The following GPHN variants were observed in gnomAD, a reference collection of about 807,000 sequenced individuals.
GPHN encodes gephyrin.
GPHN carries 17 observed loss-of-function variants against 95.5 expected under a neutral mutation model. The observed-to-expected ratio is 0.18, with a 90% CI of 0.12 to 0.27. The LOEUF (loss-of-function observed/expected upper bound fraction) is 0.27. GPHN is among the 10% of genes least tolerant of loss of function. The probability of loss-of-function intolerance (pLI) is 1.00; values close to 1 mark genes in which losing one functional copy is unlikely to be tolerated. For synonymous variants in GPHN, 320 were observed against 322.5 expected, an observed-to-expected ratio of 0.99 and a Z score of 0.08; for missense variants, 660 against 978.1, an observed-to-expected ratio of 0.67 and a Z score of 4.34.
chr14:67,098,564 T>A (rs538114061), intron 12 of GPHN, among the ~76,000 whole-genome samples: 77 of 152,038 alleles, frequency 5.1e-4, no homozygotes, highest in Admixed American at 1.4e-3. Context: ...AACCCCAGCA[T>A]TTTGGGAGGC....
At chr14:66,514,088 A>G (rs919049992) in intron 1 of GPHN, among the ~76,000 whole-genome samples, 2 of 152,018 alleles carry the variant, frequency 1.3e-5, no homozygotes, top group Non-Finnish European at 2.9e-5. Context: ...AGGGATACCT[A>G]TAAGGCTTAG....
At chr14:67,612,675 G>T in the GPHN span, among the ~76,000 whole-genome samples, 4 of 152,146 alleles carry the variant, frequency 2.6e-5, no homozygotes, top group African/African-American at 9.7e-5. Flanking sequence ...GGTAGCTCAC[G>T]CCTGTAATCC....
chr14:66,954,181 T>A (rs1655443753), intron 8 of GPHN, among the ~76,000 whole-genome samples: 1 of 152,182 alleles, frequency 6.6e-6, no homozygotes. Flanking sequence ...AACACACCAG[T>A]GGGATTTGAC....
intron 14 of GPHN, 150 bp from the exon 15 acceptor site, chr14:67,111,711 T>C (rs2078385373): frequency 3.1e-6 from 2 of 650,520 alleles, no homozygotes; most frequent in Non-Finnish European, 2.7e-6. Context: ...GTGTTAGAAA[T>C]TCAGTGTTTT....
intron 10 of GPHN, among the ~76,000 whole-genome samples, chr14:67,053,226 C>A (rs2075393280): frequency 1.6e-5 from 2 of 127,542 alleles, no homozygotes. Flanking sequence ...ACTAGCTAGA[C>A]TAATAAGGAA....
chr14:66,998,676 A>G (rs2071983085), intron 9 of GPHN, among the ~76,000 whole-genome samples: 1 of 151,962 alleles, frequency 6.6e-6, no homozygotes. Flanking sequence ...ACTATTGTAG[A>G]AATTAAGTCT....
chr14:67,270,629 TG>T, the GPHN span: 3 of 151,858 alleles, frequency 2.0e-5, no homozygotes, highest in African/African-American at 7.3e-5. Context: ...GCAATTGCTT[TG>T]GACTGGGAGG....
chr14:66,924,862 A>G (rs899971239), intron 8 of GPHN, among the ~76,000 whole-genome samples: 2 of 152,132 alleles, frequency 1.3e-5, no homozygotes, highest in Non-Finnish European at 2.9e-5. Flanking sequence ...GCTGAATGAT[A>G]GCTTGCAAAA....
chr14:67,729,965 C>T, the GPHN span: 6 of 376,012 alleles, frequency 1.6e-5, no homozygotes, highest in South Asian at 8.1e-5. Context: ...TCTGTTGTCC[C>T]GCTTTGTTCA....
chr14:67,348,938 GAAGA>G, the GPHN span: 5 of 1,137,956 alleles, frequency 4.4e-6, no homozygotes, highest in Non-Finnish European at 6.4e-6. Context: ...TAAGTAGAAG[GAAGA>G]AACTAGGACA....
the GPHN span, among the ~76,000 whole-genome samples, chr14:67,193,719 G>T: frequency 6.8e-6 from 1 of 147,224 alleles, no homozygotes; most frequent in Non-Finnish European, 1.5e-5. Context: ...AAAACAGGTG[G>T]ATCACTTGAG....
intron 5 of GPHN, among the ~76,000 whole-genome samples, chr14:66,911,836 A>G (rs528907609): frequency 2.8e-4 from 43 of 152,178 alleles, no homozygotes; most frequent in Non-Finnish European, 5.9e-4. Context: ...AAATTGGAAT[A>G]AAAAGGTAAC....
At chr14:66,593,721 C>T (rs1200871171) in intron 1 of GPHN, among the ~76,000 whole-genome samples, 2 of 152,104 alleles carry the variant, frequency 1.3e-5, no homozygotes, top group Non-Finnish European at 2.9e-5. Context: ...GAGTATTATG[C>T]TCAGCACTGA....
the GPHN span, chr14:67,727,298 CTG>C: frequency 7.4e-5 from 60 of 816,062 alleles, no homozygotes; most frequent in Non-Finnish European, 1.2e-5. Context: ...AGTAATATCT[CTG>C]TGGACTAAGG....
chr14:66,538,808 G>T, intron 1 of GPHN, among the ~76,000 whole-genome samples: 1 of 145,466 alleles, frequency 6.9e-6, no homozygotes, highest in African/African-American at 2.6e-5. Context: ...TATATTGTAT[G>T]TGAAAAACAT....
Position 66,624,309 on chromosome 14 carries a change from G to C in GPHN, c.65-56798G>C, listed in dbSNP as rs115861421. Among the ~76,000 whole-genome samples, 562 of 152,220 alleles carry C rather than the reference G, an allele frequency of 3.7e-3. 7 individuals carry two copies. The highest frequency in any genetic ancestry group is 0.013 in the African/African-American group (525 of 41,528). On this transcript the variant is annotated intron_variant, in intron 1 of 22. Coordinates refer to ENST00000478722, the MANE Select transcript of GPHN (RefSeq NM_020806.5). ...TAAATTACTATAGCCCTTGACATGT[G>C]CCTGTGAGACACCTTGGTCCGTGTT...
chr14:67,507,457 GACC>G, the GPHN span, among the ~76,000 whole-genome samples: 1 of 152,116 alleles, frequency 6.6e-6, no homozygotes, highest in African/African-American at 2.4e-5. Flanking sequence ...GACTGAAGCA[GACC>G]CTGGAGTCCC....
At chr14:66,725,267 A>C (rs2071119643) in intron 2 of GPHN, among the ~76,000 whole-genome samples, 1 of 152,190 alleles carries the variant, frequency 6.6e-6, no homozygotes, top group Non-Finnish European at 1.5e-5. Context: ...TGATTAACAC[A>C]TCTGCCAAGC....
chr14:66,642,463 C>G (rs1428006280), intron 1 of GPHN, among the ~76,000 whole-genome samples: 2 of 152,042 alleles, frequency 1.3e-5, no homozygotes, highest in African/African-American at 4.8e-5. Context: ...GACATCAATC[C>G]TGTAACCAAA....
Sources: gnomAD v4.1 joint callset for allele counts (sites outside exome capture counted in the v4.1 genomes callset) on GRCh38, gnomAD v4.1.1 for gene constraint, MANE v1.5 for transcripts, NCBI Gene and HGNC (gene_info 2026-07-23, HGNC 2026-07-21) for gene names.